The following SSBP2 variants were observed in gnomAD, a reference collection of about 807,000 sequenced individuals.
The protein encoded by SSBP2 is single stranded DNA binding protein 2.
SSBP2 carries 17 observed loss-of-function variants against 61.8 expected under a neutral mutation model. The observed-to-expected ratio is 0.28, with a 90% CI of 0.19 to 0.41. SSBP2 has a LOEUF of 0.41. SSBP2 is among the 10% of genes least tolerant of loss of function. The pLI is 1.00. For missense variants in SSBP2, 310 were observed against 458.7 expected, an observed-to-expected ratio of 0.68 and a Z score of 2.96; for synonymous variants, 139 against 141.3, an observed-to-expected ratio of 0.98 and a Z score of 0.12.
At chr5:81,681,799 A>G (rs952312992) in intron 1 of SSBP2, among the ~76,000 whole-genome samples, 3 of 152,148 alleles carry the variant, frequency 2.0e-5, no homozygotes, top group Non-Finnish European at 4.4e-5. Flanking sequence ...GTTTGAAAAG[A>G]TAAATAAAAT....
intron 10 of SSBP2, among the ~76,000 whole-genome samples, chr5:81,451,242 A>G (rs1763748416): frequency 6.6e-6 from 1 of 152,096 alleles, no homozygotes; most frequent in Admixed American, 6.5e-5. Context: ...CCTGTCATAC[A>G]TTGAAGCTAT....
chr5:81,635,805 CG>C (rs1266332239), intron 3 of SSBP2, among the ~76,000 whole-genome samples: 2 of 152,038 alleles, frequency 1.3e-5, no homozygotes, highest in Non-Finnish European at 2.9e-5. Flanking sequence ...AGGATGGTCT[CG>C]ATCTCCTGAC....
chr5:81,668,011 A>G (rs1751291070), intron 1 of SSBP2, among the ~76,000 whole-genome samples: 1 of 152,150 alleles, frequency 6.6e-6, no homozygotes, highest in African/African-American at 2.4e-5. Flanking sequence ...AGCCAATCAG[A>G]CAACCCTAAC....
At chr5:81,426,764 T>C (rs1219560687) in intron 16 of SSBP2, among the ~76,000 whole-genome samples, 2 of 152,208 alleles carry the variant, frequency 1.3e-5, no homozygotes, top group Non-Finnish European at 2.9e-5. Flanking sequence ...TTCCAACTGT[T>C]AAGACAGCAG....
At chr5:81,555,858 C>G (rs1217109869) in intron 4 of SSBP2, among the ~76,000 whole-genome samples, 1 of 151,870 alleles carries the variant, frequency 6.6e-6, no homozygotes, top group Admixed American at 6.6e-5. Flanking sequence ...TTCTCTTTTT[C>G]TCAAAACATT....
At chr5:81,626,281 T>C (rs1747131571) in intron 3 of SSBP2, among the ~76,000 whole-genome samples, 2 of 152,230 alleles carry the variant, frequency 1.3e-5, no homozygotes, top group South Asian at 2.1e-4. Flanking sequence ...ATAATGAAGA[T>C]AGTTACCATT....
At chr5:81,737,076 C>T (rs1168381448) in intron 1 of SSBP2, among the ~76,000 whole-genome samples, 1 of 152,116 alleles carries the variant, frequency 6.6e-6, no homozygotes, top group Non-Finnish European at 1.5e-5. Context: ...AATTCATACA[C>T]TCAGTCACTT....
At chr5:81,622,522 A>G (rs1390397670) in intron 3 of SSBP2, among the ~76,000 whole-genome samples, 1 of 152,154 alleles carries the variant, frequency 6.6e-6, no homozygotes, top group Non-Finnish European at 1.5e-5. Flanking sequence ...CAGAAACACA[A>G]TTTCCTCCTC....
At chr5:81,669,748 T>C (rs777656653) in intron 1 of SSBP2, among the ~76,000 whole-genome samples, 4 of 151,046 alleles carry the variant, frequency 2.6e-5, no homozygotes, top group Admixed American at 6.6e-5. Flanking sequence ...GTAACAAACC[T>C]GCACGTTCTG....
Position 81,434,537 on chromosome 5 carries a change from G to A in SSBP2, c.957+2893C>T, listed in dbSNP as rs532881283. Among the ~76,000 whole-genome samples the A allele has an allele frequency of 2.0e-5, 3 of 146,626 alleles. 1 individual carries two copies. The East Asian group carries it at 6.1e-4, about 30-fold the overall frequency. ...CCAGCTACTTGGCAGGCTGAGGCAG[G>A]AGAATCGTTTGAACCCAGGAGGCGG... On this transcript the variant is annotated intron_variant, in intron 15 of 16. Coordinates refer to ENST00000320672, the MANE Select transcript of SSBP2 (RefSeq NM_012446.5).
At chr5:81,543,107 G>A (rs550759424) in intron 4 of SSBP2, among the ~76,000 whole-genome samples, 2 of 152,052 alleles carry the variant, frequency 1.3e-5, no homozygotes, top group Admixed American at 1.3e-4. Flanking sequence ...CGCCTGCTTC[G>A]GCCTCCCAAA....
intron 3 of SSBP2, among the ~76,000 whole-genome samples, chr5:81,633,276 C>T (rs2076404534): frequency 6.6e-6 from 1 of 151,818 alleles, no homozygotes; most frequent in South Asian, 2.1e-4. Context: ...CCACCAGTGC[C>T]TGGCTTATTT....
At chr5:81,521,139 C>T (rs1769449945) in intron 4 of SSBP2, among the ~76,000 whole-genome samples, 1 of 151,842 alleles carries the variant, frequency 6.6e-6, no homozygotes. Context: ...TTTCTTTATC[C>T]TATGCTTTAA....
intron 6 of SSBP2, among the ~76,000 whole-genome samples, chr5:81,477,934 T>C (rs2154027887): frequency 6.6e-6 from 1 of 152,130 alleles, no homozygotes; most frequent in African/African-American, 2.4e-5. Context: ...TTTAATTCTT[T>C]AAAAATACCA....
intron 1 of SSBP2, among the ~76,000 whole-genome samples, chr5:81,731,273 A>C (rs932252921): frequency 2.0e-5 from 3 of 152,212 alleles, no homozygotes; most frequent in Non-Finnish European, 2.9e-5. Flanking sequence ...GTTTACTAAG[A>C]AATTATACAT....
intron 5 of SSBP2, among the ~76,000 whole-genome samples, chr5:81,495,443 C>T (rs1767204986): frequency 1.3e-5 from 2 of 152,298 alleles, no homozygotes; most frequent in South Asian, 4.1e-4. Flanking sequence ...ACGCTGTACT[C>T]GCTTTTCTCT....
chr5:81,646,884 G>A (rs570357482), intron 2 of SSBP2, among the ~76,000 whole-genome samples: 30 of 151,900 alleles, frequency 2.0e-4, no homozygotes, highest in Admixed American at 1.5e-3. Context: ...GGGGAGGAGA[G>A]TTTTAGGCAG....
intron 4 of SSBP2, among the ~76,000 whole-genome samples, chr5:81,548,782 T>C (rs1333324566): frequency 6.6e-6 from 1 of 151,970 alleles, no homozygotes; most frequent in Non-Finnish European, 1.5e-5. Context: ...ATTAGCCAGG[T>C]GTGGTGGTGG....
At chr5:81,621,854 GA>G (rs1746592640) in intron 3 of SSBP2, among the ~76,000 whole-genome samples, 1 of 123,844 alleles carries the variant, frequency 8.1e-6, no homozygotes, top group Admixed American at 8.2e-5. Context: ...ACTATTGCAA[GA>G]ACAAAAAACC....
Sources: gnomAD v4.1 joint callset for allele counts (sites outside exome capture counted in the v4.1 genomes callset) on GRCh38, gnomAD v4.1.1 for gene constraint, MANE v1.5 for transcripts, NCBI Gene and HGNC (gene_info 2026-07-23, HGNC 2026-07-21) for gene names.